Variants in BCLAF1 observed in about 807,000 individuals in gnomAD.
The protein encoded by BCLAF1 is bcl-2-associated transcription factor 1.
BCLAF1 carries 10 observed loss-of-function variants against 99.5 expected under a neutral mutation model. That is an observed-to-expected ratio of 0.10 (90% CI 0.06 to 0.17). The LOEUF (loss-of-function observed/expected upper bound fraction) is 0.17. BCLAF1 is among the 10% of genes least tolerant of loss of function. The pLI is 1.00. For synonymous variants in BCLAF1, 255 were observed against 370.9 expected (o/e 0.69, Z 3.59); for missense variants, 636 against 1,105.8 (o/e 0.58, Z 6.02).
At chr6:136,265,235 G>A (rs1424969444) in intron 11 of BCLAF1, among the ~76,000 whole-genome samples, 2 of 151,946 alleles carry the variant, frequency 1.3e-5, no homozygotes, top group Admixed American at 1.3e-4. Context: ...CTTTAATGGT[G>A]ACCTATAAAA....
intron 11 of BCLAF1, among the ~76,000 whole-genome samples, chr6:136,264,067 G>A (rs376707891): frequency 1.3e-5 from 2 of 152,108 alleles, no homozygotes; most frequent in East Asian, 3.9e-4. Flanking sequence ...CTCCACCTTT[G>A]TACCTCAGTT....
chr6:136,284,132 A>ATGTGTGTG (rs1784783572), intron 1 of BCLAF1, among the ~76,000 whole-genome samples: 3 of 41,586 alleles, frequency 7.2e-5, no homozygotes, highest in African/African-American at 1.2e-4. Flanking sequence ...GTGTGTGTGT[A>ATGTGTGTG]TATATATATA....
intron 4 of BCLAF1, among the ~76,000 whole-genome samples, chr6:136,277,326 A>T (rs1384028741): frequency 6.6e-6 from 1 of 152,230 alleles, no homozygotes; most frequent in African/African-American, 2.4e-5. Context: ...TAGCTGCATT[A>T]TTTATGTAGG....
At position 136,257,796 on chromosome 6, in the gene BCLAF1, C is replaced by A. The variant is rs1780542839; in HGVS notation, c.*3314G>T. ...GAGAAAGGCCTCTGAACTTCTCTTT[C>A]TGGATGTGAAAGTCTATTATTCCAC... On this transcript the variant is annotated 3_prime_UTR_variant, in exon 13 of 13. Coordinates refer to ENST00000531224, the MANE Select transcript of BCLAF1 (RefSeq NM_014739.3). 6.6e-6 allele frequency: 1 copy of A among 152,232 alleles called. No homozygotes were observed. Among genetic ancestry groups the A allele is most frequent in the Non-Finnish European group, 1.5e-5 (1 of 67,950 alleles). 9.4% of individuals were successfully genotyped at this position (152,232 alleles called of 1,614,324 possible). A position where few individuals can be genotyped will look rare whatever the true frequency, so the allele number is the denominator to read the frequency against.
At chr6:136,274,026 T>C (rs1403711864) in intron 6 of BCLAF1, 3 of 1,283,596 alleles carry the variant, frequency 2.3e-6, no homozygotes, top group African/African-American at 3.1e-5. Flanking sequence ...ACTACAAGGG[T>C]AGTGCCTCAA....
At chr6:136,261,736 T>C (rs1463497885) in intron 11 of BCLAF1, among the ~76,000 whole-genome samples, 1 of 152,156 alleles carries the variant, frequency 6.6e-6, no homozygotes, top group Admixed American at 6.5e-5. Flanking sequence ...AGATCTCAAC[T>C]GCTAAATTAC....
At chr6:136,278,965 C>T (rs1783972124) in intron 3 of BCLAF1, among the ~76,000 whole-genome samples, 189 bp from the exon 4 acceptor site, 1 of 147,856 alleles carries the variant, frequency 6.8e-6, no homozygotes, top group African/African-American at 2.5e-5. Flanking sequence ...TGAGAGAATA[C>T]CTTAAAGACC....
chr6:136,277,242 C>G (rs986032843), intron 4 of BCLAF1, among the ~76,000 whole-genome samples: 2 of 152,178 alleles, frequency 1.3e-5, no homozygotes, highest in African/African-American at 4.8e-5. Context: ...AATACCATTA[C>G]CTTTTGTATA....
rs146116813 is a variant in BCLAF1, at chr6:136,270,118, A to T, written c.2044-506T>A. Among the ~76,000 whole-genome samples the T allele has an allele frequency of 2.6e-4, 38 of 145,178 alleles. 2 individuals are homozygous for T. The East Asian group carries it at 6.7e-3, about 26-fold the overall frequency. ...TCCCAAATAATCTGACCAACCCAAT[A>T]AAAAAAAAAACTTCAGAAGTAAGAA... On this transcript the variant is annotated intron_variant, in intron 8 of 12. Coordinates refer to ENST00000531224, the MANE Select transcript of BCLAF1 (RefSeq NM_014739.3).
In BCLAF1 at chr6:136,284,832, AG is replaced by A. The variant is rs557146958; in HGVS notation, c.-114-2146del. ...CAAATAGTGGCAAGTGCCACATTGG[AG>A]GGGGGGGAAAAGTACAAGTTAACAT... On this transcript the variant is annotated intron_variant, in intron 1 of 12. Transcript: ENST00000531224. 9.9e-3 allele frequency among the ~76,000 whole-genome samples: 1,503 copies of A among 151,304 alleles called. 15 individuals are homozygous for A. The highest frequency in any genetic ancestry group is 0.016 in the Non-Finnish European group (1,108 of 67,768).
At chr6:136,261,931 G>C (rs1486972086) in intron 11 of BCLAF1, among the ~76,000 whole-genome samples, 1 of 151,970 alleles carries the variant, frequency 6.6e-6, no homozygotes, top group Non-Finnish European at 1.5e-5. Flanking sequence ...GAAACTGGTG[G>C]TATGAATTTT....
intron 8 of BCLAF1, chr6:136,271,782 T>C: frequency 2.8e-6 from 1 of 359,464 alleles, no homozygotes; most frequent in South Asian, 8.2e-5. Flanking sequence ...CATTAGTGTT[T>C]TGAAAAAACA....
intron 6 of BCLAF1, chr6:136,273,816 A>G (rs986816508): frequency 1.4e-5 from 5 of 346,562 alleles, no homozygotes; most frequent in Non-Finnish European, 2.1e-5. Context: ...CAAACTAGTA[A>G]TATCAATACT....
Position 136,259,697 on chromosome 6 carries a change from T to C in BCLAF1, c.*1413A>G, listed in dbSNP as rs1407499656. 1 of 152,032 alleles carries C rather than the reference T, an allele frequency of 6.6e-6. No homozygotes were observed. Among genetic ancestry groups the C allele is most frequent in the Non-Finnish European group, 1.5e-5 (1 of 67,900 alleles). The allele number at this position is 152,032 out of a possible 1,614,324, so 9.4% of individuals were successfully genotyped here. ...GCTGTAATCTAGGTGCTAGACGCAC[T>C]GCAAATCCTCGAAAGTGTTTAAGAT... On this transcript the variant is annotated 3_prime_UTR_variant, in exon 13 of 13. Coordinates refer to ENST00000531224, the MANE Select transcript of BCLAF1 (RefSeq NM_014739.3).
intron 11 of BCLAF1, among the ~76,000 whole-genome samples, chr6:136,262,691 C>T (rs138094710): frequency 3.3e-5 from 5 of 152,272 alleles, no homozygotes; most frequent in East Asian, 3.9e-4. Flanking sequence ...AATTTAAATA[C>T]GGCAGAGTTT....
intron 8 of BCLAF1, among the ~76,000 whole-genome samples, chr6:136,271,607 C>T (rs928453088): frequency 5.9e-5 from 9 of 151,862 alleles, no homozygotes; most frequent in African/African-American, 2.2e-4. Flanking sequence ...TTCTTGTTAT[C>T]TGTGAAGAAC....
chr6:136,275,718 A>G lies in BCLAF1; in HGVS notation c.1683-17T>C. 1 of 1,481,592 alleles carries G rather than the reference A, an allele frequency of 6.7e-7. No homozygotes were observed. Among genetic ancestry groups the G allele is most frequent in the Middle Eastern group, 1.8e-4 (1 of 5,482 alleles). 91.8% of individuals were successfully genotyped at this position (1,481,592 alleles called of 1,614,324 possible). Reference sequence around the variant, plus strand: ...GAAGCAGGTCTGGAACATATTGATAACACACACACACACAAAATATACCAT... The same window carrying G: ...GAAGCAGGTCTGGAACATATTGATAGCACACACACACACAAAATATACCAT... On this transcript the variant is annotated splice_polypyrimidine_tract_variant and intron_variant, in intron 5 of 12. Coordinates refer to ENST00000531224, the MANE Select transcript of BCLAF1 (RefSeq NM_014739.3).
Position 136,275,985 on chromosome 6 carries a change from G to A in BCLAF1, c.1540C>T (p.Pro514Ser). ...KLKDLFDYSP[P>S]LHKNLDAREK... ...CGTGCATCCAGATTCTTGTGTAGAG[G>A]GGGACTGTAATCAAAGAGGTCTTTG... The change falls in exon 5 of 13, where the codon CCT (proline) becomes TCT (serine). Residue 514 changes from proline to serine, a missense_variant. Coordinates refer to ENST00000531224, the MANE Select transcript of BCLAF1 (RefSeq NM_014739.3). 1 of 1,611,896 alleles carries A rather than the reference G, an allele frequency of 6.2e-7. No individual in the cohort carries two copies. Among genetic ancestry groups the A allele is most frequent in the Non-Finnish European group, 8.5e-7 (1 of 1,179,266 alleles).
At chr6:136,269,065 A>G in intron 9 of BCLAF1, 1 of 1,049,286 alleles carries the variant, frequency 9.5e-7, no homozygotes, top group Non-Finnish European at 1.2e-6. Flanking sequence ...ACTAGATATC[A>G]GTTTAAAATT....
Sources: allele counts gnomAD v4.1 joint callset (sites outside exome capture counted in the v4.1 genomes callset), GRCh38; gene constraint gnomAD v4.1.1; transcripts MANE v1.5; gene names NCBI Gene and HGNC (gene_info 2026-07-23, HGNC 2026-07-21).